The following CASZ1 variants were observed in gnomAD, a reference collection of about 807,000 sequenced individuals.
The protein encoded by CASZ1 is zinc finger protein castor homolog 1.
In CASZ1, 28 loss-of-function variants were observed where a neutral mutation model predicts 135.2. That is an observed-to-expected ratio of 0.21 (90% confidence interval 0.15 to 0.28). The LOEUF (loss-of-function observed/expected upper bound fraction) is 0.28, where lower values mean the gene tolerates loss of function less well. Among genes scored for constraint, CASZ1 ranks in the 10% least tolerant of loss-of-function variants. CASZ1 has a pLI of 1.00. For missense variants in CASZ1, 2,161 were observed against 2,453.3 expected (o/e 0.88, Z 2.52); for synonymous variants, 1,068 against 1,073.4 (o/e 0.99, Z 0.10).
chr1:10,690,058 T>C (rs1638715871), intron 4 of CASZ1, among the ~76,000 whole-genome samples: 1 of 152,214 alleles, frequency 6.6e-6, no homozygotes, highest in South Asian at 2.1e-4. Context: ...GGCCCCAGCT[T>C]AGACTGGTTG....
intron 3 of CASZ1, among the ~76,000 whole-genome samples, chr1:10,704,004 G>C (rs1639117178): frequency 6.6e-6 from 1 of 152,206 alleles, no homozygotes; most frequent in Non-Finnish European, 1.5e-5. Flanking sequence ...CTGCTGCCTG[G>C]GGACGGAGTT....
intron 5 of CASZ1, among the ~76,000 whole-genome samples, chr1:10,662,061 T>TAACA (rs1643051870): frequency 8.0e-6 from 1 of 124,450 alleles, no homozygotes; most frequent in Admixed American, 7.7e-5. Flanking sequence ...CAATCACCTA[T>TAACA]AACACACACG....
Position 10,658,760 on chromosome 1 carries a change from C to T in CASZ1, c.1341-184G>A, listed in dbSNP as rs576887906. 2.6e-5 allele frequency among the ~76,000 whole-genome samples: 4 copies of T among 152,340 alleles called. No homozygotes were observed. The East Asian group carries it at 7.7e-4, about 29-fold the overall frequency. ...AAGCTGGCCAGAGGTTCAACGAGCC[C>T]AACTCTGGGAGGGCAGTGCCATCTC... On this transcript the variant is annotated intron_variant, in intron 6 of 20. Coordinates refer to ENST00000377022, the MANE Select transcript of CASZ1 (RefSeq NM_001079843.3).
rs1487281699 is a variant in CASZ1 at position 10,701,532 on chromosome 1, A to G, written c.-24+3960T>C. Among the ~76,000 whole-genome samples the G allele has an allele frequency of 4.0e-5, 6 of 150,770 alleles. No homozygotes were observed. The highest frequency in any genetic ancestry group is 1.2e-4 in the African/African-American group (5 of 40,390). ...TTCAGAGTGATGGAGTGATGGGAGGAGGGGGGGCGCGGTCAGAAGAAGGAG... is the reference window on the plus strand; with the variant it reads ...TTCAGAGTGATGGAGTGATGGGAGGGGGGGGGGCGCGGTCAGAAGAAGGAG... On this transcript the variant is annotated intron_variant, in intron 3 of 20. Transcript: ENST00000377022. This position sits in a 1 kb window ranked among gnomAD's most constrained non-coding sequence, Gnocchi z 6.3.
intron 11 of CASZ1, chr1:10,652,033 C>T (rs574166534): frequency 2.6e-5 from 4 of 152,382 alleles, no homozygotes; most frequent in Non-Finnish European, 2.9e-5. Context: ...GGTCCCTCCA[C>T]GCGGCCACCG....
At chr1:10,732,749 C>T (rs1426501655) in intron 2 of CASZ1, among the ~76,000 whole-genome samples, 1 of 152,200 alleles carries the variant, frequency 6.6e-6, no homozygotes, top group African/African-American at 2.4e-5. Context: ...ATGGTGGCAG[C>T]AGCAGTGCAG....
intron 2 of CASZ1, among the ~76,000 whole-genome samples, chr1:10,754,381 CCA>C (rs1204703633): frequency 6.6e-6 from 1 of 152,184 alleles, no homozygotes; most frequent in Non-Finnish European, 1.5e-5. Context: ...CAATGACTAC[CCA>C]CAGTGTCGCT....
Position 10,767,553 on chromosome 1 carries a change from G to C in CASZ1, c.-233-6696C>G, listed in dbSNP as rs1406282626. Among the ~76,000 whole-genome samples, 1 of 152,198 alleles carries C rather than the reference G, an allele frequency of 6.6e-6. No individual in the cohort carries two copies. Among genetic ancestry groups the C allele is most frequent in the African/African-American group, 2.4e-5 (1 of 41,462 alleles). The stretch of plus-strand genomic sequence containing the variant: ...GAGTCAGCAGCTGCCTGCCCCGAGA[G>C]GTTTGGTCCACACCTGCTCGGAGAC... On this transcript the variant is annotated intron_variant, in intron 1 of 20. Coordinates refer to ENST00000377022, the MANE Select transcript of CASZ1 (RefSeq NM_001079843.3). This position sits in a 1 kb window ranked among gnomAD's most constrained non-coding sequence, Gnocchi z 4.2.
chr1:10,750,508 G>A lies in CASZ1; in HGVS notation c.-77+10193C>T, dbSNP rs1002027948. ...GAGTCTTGAACCCCTGGCGTCAAGC[G>A]ATTCTCGCCTCAGCCTTCCAAAACG... On this transcript the variant is annotated intron_variant, in intron 2 of 20. Transcript: ENST00000377022. Among the ~76,000 whole-genome samples, 13 of 152,160 alleles carry A rather than the reference G, an allele frequency of 8.5e-5. 1 individual carries two copies. In the East Asian group the frequency reaches 2.5e-3, roughly 30 times the overall value.
At position 10,771,527 on chromosome 1, in the gene CASZ1, G is replaced by GA. The variant is rs60225245; in HGVS notation, c.-233-10671dup. 1.8e-3 allele frequency among the ~76,000 whole-genome samples: 267 copies of GA among 151,218 alleles called. 10 individuals are homozygous for GA. The East Asian group carries it at 0.046, about 26-fold the overall frequency. On this transcript the variant is annotated intron_variant, in intron 1 of 20. Transcript: ENST00000377022. ...AAAATCATGCAATTAAAGTGTAAGG[G>GA]AAAAAAAAACATAGCTGTTGCTTAA...
intron 2 of CASZ1, among the ~76,000 whole-genome samples, chr1:10,745,326 G>A (rs1212903872): frequency 1.3e-5 from 2 of 152,196 alleles, no homozygotes; most frequent in African/African-American, 4.8e-5. Flanking sequence ...GAGGTCAGAT[G>A]GGACAGGCCA....
At chr1:10,792,509 A>T (rs1027404717) in intron 1 of CASZ1, among the ~76,000 whole-genome samples, 1 of 151,992 alleles carries the variant, frequency 6.6e-6, no homozygotes, top group Non-Finnish European at 1.5e-5. Flanking sequence ...TTAAAAATGC[A>T]TTAAATGGTT....
At position 10,660,520 on chromosome 1, in the gene CASZ1, C is replaced by T. The variant is rs1642985784; in HGVS notation, c.522G>A (p.Leu174=). The T allele has an allele frequency of 1.2e-6, 2 of 1,612,860 alleles. No individual in the cohort carries two copies. The highest frequency in any genetic ancestry group is 1.7e-6 in the Non-Finnish European group (2 of 1,179,832). Residue 174 remains leucine, a synonymous_variant, in exon 6 of 21, where the codon CTG becomes CTA. Coordinates refer to ENST00000377022, the MANE Select transcript of CASZ1 (RefSeq NM_001079843.3). ...TRQASGEASS[L]RDYAASTMTE... ...TCATGGTGGAGGCCGCGTAGTCCCG[C>T]AGCGAGGAGGCCTCTCCTGCAGAGG...
chr1:10,767,195 C>T lies in CASZ1; in HGVS notation c.-233-6338G>A, dbSNP rs889393402. 2.0e-5 allele frequency among the ~76,000 whole-genome samples: 3 copies of T among 152,224 alleles called. No individual in the cohort carries two copies. The highest frequency in any genetic ancestry group is 4.1e-4 in the South Asian group (2 of 4,820). ...CGAGGAGTGGGGAAAAGATGGGGCC[C>T]GGTCGTCCACATTCCTCATGAGTTC... is the stretch of plus-strand genomic sequence containing the variant. On this transcript the variant is annotated intron_variant, in intron 1 of 20. Coordinates refer to ENST00000377022, the MANE Select transcript of CASZ1 (RefSeq NM_001079843.3). This position sits in a 1 kb window ranked among gnomAD's most constrained non-coding sequence, Gnocchi z 4.2.
chr1:10,710,158 AG>A (rs1218521828), intron 2 of CASZ1, among the ~76,000 whole-genome samples: 1 of 152,212 alleles, frequency 6.6e-6, no homozygotes, highest in African/African-American at 2.4e-5. Context: ...ATTTTTAAAA[AG>A]CAGGAGACCT....
chr1:10,707,405 C>T lies in CASZ1; in HGVS notation c.-76-1861G>A, dbSNP rs572676344. 6.6e-5 allele frequency among the ~76,000 whole-genome samples: 10 copies of T among 152,336 alleles called. No individual in the cohort carries two copies. In the Middle Eastern group the frequency reaches 0.014, roughly 209 times the overall value. ...AACAAGGGAGCGCGGGAGACCGGAGCGCTGAACCCAAATCCCTCAGCAGTT... is the reference window on the plus strand; with the variant it reads ...AACAAGGGAGCGCGGGAGACCGGAGTGCTGAACCCAAATCCCTCAGCAGTT... On this transcript the variant is annotated intron_variant, in intron 2 of 20. Transcript: ENST00000377022. This position sits in a 1 kb window ranked among gnomAD's most constrained non-coding sequence, Gnocchi z 5.0.
intron 20 of CASZ1, among the ~76,000 whole-genome samples, chr1:10,640,494 C>T (rs1427423604): frequency 6.6e-6 from 1 of 152,236 alleles, no homozygotes; most frequent in Non-Finnish European, 1.5e-5. Flanking sequence ...CAGGCCGGCT[C>T]CTTTCCCGCC....
Position 10,709,128 on chromosome 1 carries a change from C to G in CASZ1, c.-76-3584G>C, listed in dbSNP as rs1448694802. Among the ~76,000 whole-genome samples, 2 of 152,156 alleles carry G rather than the reference C, an allele frequency of 1.3e-5. No individual in the cohort carries two copies. Among genetic ancestry groups the G allele is most frequent in the African/African-American group, 4.8e-5 (2 of 41,422 alleles). On this transcript the variant is annotated intron_variant, in intron 2 of 20. Transcript: ENST00000377022. This position sits in a 1 kb window ranked among gnomAD's most constrained non-coding sequence, Gnocchi z 5.1. ...TGCTGGAGCCGCTGCTGGTCCAGGA[C>G]TTGGCTTTGGAGCCTCTCACCCACA...
At chr1:10,795,741 A>T (rs1641055143) in intron 1 of CASZ1, among the ~76,000 whole-genome samples, 2 of 151,576 alleles carry the variant, frequency 1.3e-5, no homozygotes, top group South Asian at 2.1e-4. Flanking sequence ...GAGGAACGCC[A>T]CTTGCCGCGC....
Sources: allele counts gnomAD v4.1 joint callset (sites outside exome capture counted in the v4.1 genomes callset), GRCh38; gene constraint gnomAD v4.1.1; non-coding constraint Gnocchi (gnomAD v3.1); transcripts MANE v1.5; gene names NCBI Gene and HGNC (gene_info 2026-07-23, HGNC 2026-07-21).